KCNN3: variants seen among roughly 807,000 people sequenced by gnomAD.
KCNN3 encodes potassium calcium-activated channel subfamily N member 3.
A neutral mutation model predicts 62.9 loss-of-function variants in KCNN3; 16 were observed. The ratio of observed to expected loss-of-function variants is 0.25; its 90% confidence interval spans 0.17 to 0.39. KCNN3 has a LOEUF of 0.39. KCNN3 is among the 10% of genes least tolerant of loss of function. The probability of loss-of-function intolerance (pLI) is 1.00; values close to 1 mark genes in which losing one functional copy is unlikely to be tolerated. For synonymous variants in KCNN3, 370 were observed against 389.2 expected (o/e 0.95, Z 0.58); for missense variants, 599 against 949.4 (o/e 0.63, Z 4.85).
At chr1:154,846,440 G>A (rs567189175) in intron 1 of KCNN3, among the ~76,000 whole-genome samples, 1 of 152,352 alleles carries the variant, frequency 6.6e-6, no homozygotes, top group Admixed American at 6.5e-5. Context: ...ATACTGAGGG[G>A]GAGCCAGGAG....
chr1:154,823,871 A>G (rs1238127341), intron 1 of KCNN3, among the ~76,000 whole-genome samples: 1 of 152,032 alleles, frequency 6.6e-6, no homozygotes, highest in Admixed American at 6.6e-5. Flanking sequence ...TGGGACTCGA[A>G]CCCAGGACTT....
At chr1:154,848,210 G>T (rs1049701957) in intron 1 of KCNN3, among the ~76,000 whole-genome samples, 1 of 152,176 alleles carries the variant, frequency 6.6e-6, no homozygotes, top group Non-Finnish European at 1.5e-5. Context: ...CCAAGAAAAG[G>T]CTGGGCTTTG....
At position 154,718,339 on chromosome 1, in the gene KCNN3, G is replaced by C. The variant is rs554074765; in HGVS notation, c.1702-3336C>G. On this transcript the variant is annotated intron_variant, in intron 5 of 7. Coordinates refer to ENST00000271915, the MANE Select transcript of KCNN3 (RefSeq NM_002249.6). ...GGGCTCTATGATCTACTTTAGGAAA[G>C]GCTCTAAGATTAATGGGCCTGGGCA... Among the ~76,000 whole-genome samples the C allele has an allele frequency of 1.1e-4, 17 of 152,324 alleles. No individual in the cohort carries two copies. The South Asian group carries it at 3.5e-3, about 32-fold the overall frequency.
intron 3 of KCNN3, among the ~76,000 whole-genome samples, chr1:154,739,636 G>A (rs1377676745): frequency 1.3e-5 from 2 of 152,148 alleles, no homozygotes. Context: ...GTGTGGGCTG[G>A]ACCAAGTAAC....
At chr1:154,730,945 C>T (rs553804590) in intron 4 of KCNN3, among the ~76,000 whole-genome samples, 14 of 152,270 alleles carry the variant, frequency 9.2e-5, no homozygotes, top group Non-Finnish European at 1.8e-4. Flanking sequence ...TCGCCTGTTC[C>T]GCTCAGCTGT....
rs1013468243 is a variant in KCNN3 at position 154,713,334 on chromosome 1, A to G, written c.1899+130T>C. The G allele has an allele frequency of 9.7e-6, 7 of 724,662 alleles. No individual in the cohort carries two copies. In the African/African-American group the frequency reaches 1.2e-4, roughly 13 times the overall value. 44.9% of individuals were successfully genotyped at this position (724,662 alleles called of 1,614,324 possible). ...ACTTGAGCCTAGGTATTTTTGAACC[A>G]AGCAGAAATTTTTCTTTGCTTGCCT... On this transcript the variant is annotated intron_variant, in intron 7 of 7. Coordinates refer to ENST00000271915, the MANE Select transcript of KCNN3 (RefSeq NM_002249.6).
At chr1:154,715,144 A>G in intron 5 of KCNN3, 141 bp from the exon 6 acceptor site, 1 of 1,080,360 alleles carries the variant, frequency 9.3e-7, no homozygotes, top group Non-Finnish European at 1.4e-6. Context: ...AACTCCTAGA[A>G]AAGATGATTA....
At chr1:154,826,056 CAA>C (rs1651101985) in intron 1 of KCNN3, among the ~76,000 whole-genome samples, 7 of 37,708 alleles carry the variant, frequency 1.9e-4, no homozygotes, top group African/African-American at 1.3e-3. Context: ...TAAAAAAAAA[CAA>C]AAACAAAAAC....
chr1:154,760,161 C>T (rs1291160501), intron 3 of KCNN3, among the ~76,000 whole-genome samples: 3 of 151,824 alleles, frequency 2.0e-5, no homozygotes, highest in Admixed American at 1.3e-4. Context: ...TACAGGTGCG[C>T]GCCACCACGC....
In KCNN3 at chr1:154,721,828, G is replaced by C. The variant is rs780534796; in HGVS notation, c.1701+4088C>G. Among the ~76,000 whole-genome samples, 8 of 151,108 alleles carry C rather than the reference G, an allele frequency of 5.3e-5. No individual in the cohort carries two copies. In the Admixed American group the frequency reaches 5.3e-4, roughly 10 times the overall value. ...ATGGGGCTCTAGTATCTTTCTTCCA[G>C]TCCCTCTGTGAATCATGTACTTAAA... On this transcript the variant is annotated intron_variant, in intron 5 of 7. Transcript: ENST00000271915.
chr1:154,859,760 G>T, intron 1 of KCNN3: 1 of 1,614,146 alleles, frequency 6.2e-7, no homozygotes, highest in Non-Finnish European at 8.5e-7. Context: ...CAGATGTCGC[G>T]TGGCAGGCCT....
intron 3 of KCNN3, among the ~76,000 whole-genome samples, chr1:154,752,212 C>T (rs906277): frequency 2.0e-5 from 3 of 152,088 alleles, no homozygotes; most frequent in Non-Finnish European, 2.9e-5. Context: ...TTATCCAGTG[C>T]GTGATTTTTA....
chr1:154,780,203 T>C (rs868336913), intron 2 of KCNN3, among the ~76,000 whole-genome samples: 18 of 68,590 alleles, frequency 2.6e-4, no homozygotes, highest in African/African-American at 6.2e-4. Context: ...TCTTTTTTTT[T>C]TTTTTTTTTT....
Position 154,706,143 on chromosome 1 carries a change from T to C in KCNN3, c.*1833A>G, listed in dbSNP as rs1391645791. The C allele has an allele frequency of 6.6e-6, 1 of 152,128 alleles. No individual in the cohort carries two copies. The highest frequency in any genetic ancestry group is 1.5e-5 in the Non-Finnish European group (1 of 68,032). 9.4% of individuals were successfully genotyped at this position (152,128 alleles called of 1,614,324 possible). Reference sequence around the variant, plus strand: ...TAAACCATCAAAAGAGCAGCAGCAATAGCAAGAGAGAAAGAAGAGGGTTAG... The same window carrying C: ...TAAACCATCAAAAGAGCAGCAGCAACAGCAAGAGAGAAAGAAGAGGGTTAG... On this transcript the variant is annotated 3_prime_UTR_variant, in exon 8 of 8. Coordinates refer to ENST00000271915, the MANE Select transcript of KCNN3 (RefSeq NM_002249.6).
chr1:154,721,644 G>A (rs1700351645), intron 5 of KCNN3, among the ~76,000 whole-genome samples: 1 of 152,032 alleles, frequency 6.6e-6, no homozygotes, highest in Admixed American at 6.6e-5. Flanking sequence ...AGGGCAGTCA[G>A]CCACCAGAGG....
At chr1:154,803,920 G>C (rs1028269555) in intron 2 of KCNN3, among the ~76,000 whole-genome samples, 1 of 152,188 alleles carries the variant, frequency 6.6e-6, no homozygotes, top group East Asian at 1.9e-4. Flanking sequence ...CTTACCACAT[G>C]AGCATTCCCA....
At chr1:154,801,760 G>A (rs1032563822) in intron 2 of KCNN3, among the ~76,000 whole-genome samples, 3 of 152,182 alleles carry the variant, frequency 2.0e-5, no homozygotes, top group Non-Finnish European at 4.4e-5. Context: ...GCCAACAGCT[G>A]CAGGACCTGG....
intron 1 of KCNN3, among the ~76,000 whole-genome samples, chr1:154,833,581 G>T (rs972987958): frequency 6.6e-6 from 1 of 152,186 alleles, no homozygotes; most frequent in Non-Finnish European, 1.5e-5. Flanking sequence ...CGATTCTATA[G>T]GCAAGCAAAT....
chr1:154,808,573 C>A (rs949147928), intron 2 of KCNN3, among the ~76,000 whole-genome samples: 3 of 152,234 alleles, frequency 2.0e-5, no homozygotes, highest in African/African-American at 7.2e-5. Context: ...AGGGCAGGGA[C>A]CTTGCTGTCC....
Sources: gnomAD v4.1 joint callset for allele counts (sites outside exome capture counted in the v4.1 genomes callset) on GRCh38, gnomAD v4.1.1 for gene constraint, MANE v1.5 for transcripts, NCBI Gene and HGNC (gene_info 2026-07-23, HGNC 2026-07-21) for gene names.